Variants in LTBP1 observed in about 807,000 individuals in gnomAD.
The protein encoded by LTBP1 is latent-transforming growth factor beta-binding protein 1.
A neutral mutation model predicts 207.6 loss-of-function variants in LTBP1; 129 were observed. The observed-to-expected ratio is 0.62, with a 90% CI of 0.54 to 0.72. The LOEUF (loss-of-function observed/expected upper bound fraction) is 0.72. Among genes scored for constraint, LTBP1 ranks in the 30% least tolerant of loss-of-function variants. The pLI, the probability that LTBP1 is intolerant of heterozygous loss-of-function variation, is 0.00. For missense variants in LTBP1, 2,281 were observed against 2,217.2 expected, an observed-to-expected ratio of 1.03 and a Z score of -0.58; for synonymous variants, 963 against 833.7, an observed-to-expected ratio of 1.16 and a Z score of -2.67.
At chr2:33,251,615 A>T (rs996333016) in intron 10 of LTBP1, among the ~76,000 whole-genome samples, 9 of 143,156 alleles carry the variant, frequency 6.3e-5, no homozygotes, top group Admixed American at 5.1e-4. Context: ...CAGTGAGCTG[A>T]GATCGCGCCA....
At chr2:33,020,770 C>G in intron 2 of LTBP1, 139 bp from the exon 3 acceptor site, 1 of 771,592 alleles carries the variant, frequency 1.3e-6, no homozygotes, top group Non-Finnish European at 2.0e-6. Context: ...GCCCAACTGC[C>G]CCACCTTCCT....
intron 5 of LTBP1, among the ~76,000 whole-genome samples, chr2:33,171,252 A>G (rs1351603825): frequency 8.2e-6 from 1 of 122,366 alleles, no homozygotes; most frequent in Non-Finnish European, 1.8e-5. Flanking sequence ...AGAAGTTGAA[A>G]ACTTTGAAAA....
At position 32,947,765 on chromosome 2, in the gene LTBP1, C is replaced by T. The variant is rs755448700; in HGVS notation, c.441C>T (p.Thr147=). 2 of 1,519,680 alleles carry T rather than the reference C, an allele frequency of 1.3e-6. No individual in the cohort carries two copies. The highest frequency in any genetic ancestry group is 1.8e-6 in the Non-Finnish European group (2 of 1,132,262). 94.1% of individuals were successfully genotyped at this position (1,519,680 alleles called of 1,614,324 possible). Residue 147 remains threonine (T), a synonymous_variant, in exon 1 of 34, where the codon ACC becomes ACT. Transcript: ENST00000404816. ...TGCGCTCCAAGGTGCCGCAGGAGAC[C>T]CAGAGCGGCGGAGGCTCTAGGCTGC... ...QVVRSKVPQE[T]QSGGGSRLQV...
intron 2 of LTBP1, among the ~76,000 whole-genome samples, chr2:32,995,718 G>A (rs905224532): frequency 1.3e-5 from 2 of 152,212 alleles, no homozygotes; most frequent in African/African-American, 4.8e-5. Context: ...GAATCCAGGA[G>A]GCCAAGCCTG....
intron 32 of LTBP1, 72 bp downstream of exon 32, chr2:33,389,378 A>G (rs2095295913): frequency 9.4e-6 from 15 of 1,589,044 alleles, no homozygotes; most frequent in Non-Finnish European, 1.2e-5. Context: ...TCAAAATGTA[A>G]TGGCAACTTG....
chr2:33,360,836 G>A, intron 27 of LTBP1, 57 bp downstream of exon 27: 1 of 1,518,648 alleles, frequency 6.6e-7, no homozygotes, highest in Non-Finnish European at 9.1e-7. Context: ...GGTGTCCCTG[G>A]GCCTTGAAAT....
At chr2:33,071,784 T>C (rs1256826589) in intron 3 of LTBP1, among the ~76,000 whole-genome samples, 1 of 152,194 alleles carries the variant, frequency 6.6e-6, no homozygotes, top group African/African-American at 2.4e-5. Context: ...GGGATTCTTC[T>C]TTATGTCATT....
At chr2:32,952,672 TC>T (rs370835194) in intron 2 of LTBP1, among the ~76,000 whole-genome samples, 2 of 151,816 alleles carry the variant, frequency 1.3e-5, no homozygotes, top group African/African-American at 4.8e-5. Flanking sequence ...AAACTGAACC[TC>T]CCCCCATGCC....
intron 5 of LTBP1, among the ~76,000 whole-genome samples, chr2:33,139,099 C>G (rs2082420696): frequency 6.6e-6 from 1 of 151,876 alleles, no homozygotes; most frequent in Non-Finnish European, 1.5e-5. Flanking sequence ...ACCTCGTGAT[C>G]CGCCCGCCTC....
At chr2:33,385,331 G>A (rs1175838088) in intron 31 of LTBP1, among the ~76,000 whole-genome samples, 1 of 152,028 alleles carries the variant, frequency 6.6e-6, no homozygotes, top group Non-Finnish European at 1.5e-5. Context: ...ACAATTATTT[G>A]CCTGTTGATC....
rs896562546 is a variant in LTBP1 at position 33,012,717 on chromosome 2, A to G, written c.566-8192A>G. Among the ~76,000 whole-genome samples, 4 of 152,246 alleles carry G rather than the reference A, an allele frequency of 2.6e-5. No homozygotes were observed. The East Asian group carries it at 7.7e-4, about 29-fold the overall frequency. On this transcript the variant is annotated intron_variant, in intron 2 of 33. Transcript: ENST00000404816. The stretch of plus-strand genomic sequence containing the variant: ...GAATAAAGATAACATGGATGGGATT[A>G]AAACAAATTTAAAGATTATTTAGAA...
chr2:33,141,346 C>T (rs1422053359), intron 5 of LTBP1, among the ~76,000 whole-genome samples: 2 of 152,106 alleles, frequency 1.3e-5, no homozygotes, highest in African/African-American at 4.8e-5. Context: ...TGAAAAAGTT[C>T]TGGAGATTTG....
rs70938398 is a variant in LTBP1, at chr2:33,382,074, C to CTTTTTTTTTTTTTTTTT, written c.4712-7088_4712-7072dup. ...TACAGCAGTTAGCGCCCTACTGCTT[C>CTTTTTTTTTTTTTTTTT]TTTTTTTTTTTTTTTTTTTTTTTTT... is the stretch of plus-strand genomic sequence containing the variant. On this transcript the variant is annotated intron_variant, in intron 31 of 33. Coordinates refer to ENST00000404816, the MANE Select transcript of LTBP1 (RefSeq NM_206943.4). Among the ~76,000 whole-genome samples, 5 of 46,784 alleles carry CTTTTTTTTTTTTTTTTT rather than the reference C, an allele frequency of 1.1e-4. 2 individuals carry two copies. Among genetic ancestry groups the CTTTTTTTTTTTTTTTTT allele is most frequent in the Non-Finnish European group, 2.0e-4 (5 of 24,954 alleles). 30.7% of individuals were successfully genotyped at this position (46,784 alleles called of 152,430 possible).
At chr2:33,263,155 T>A (rs1272376236) in intron 14 of LTBP1, 139 bp from the exon 15 acceptor site, 1 of 626,060 alleles carries the variant, frequency 1.6e-6, no homozygotes, top group Non-Finnish European at 2.9e-6. Context: ...ACCCAGAGCC[T>A]TGGGACATAG....
intron 5 of LTBP1, among the ~76,000 whole-genome samples, chr2:33,168,016 A>G (rs1010360320): frequency 1.1e-4 from 17 of 152,196 alleles, no homozygotes; most frequent in African/African-American, 4.1e-4. Context: ...ATCGAAGTTT[A>G]TGATAATATC....
At chr2:33,336,615 A>G (rs759511526) in intron 24 of LTBP1, among the ~76,000 whole-genome samples, 1 of 152,184 alleles carries the variant, frequency 6.6e-6, no homozygotes, top group Non-Finnish European at 1.5e-5. Flanking sequence ...TGAATTATCC[A>G]TTACCAAAAA....
chr2:33,187,060 C>G lies in LTBP1; in HGVS notation c.1406C>G (p.Thr469Ser). 6.2e-7 allele frequency: 1 copy of G among 1,614,168 alleles called. No individual in the cohort carries two copies. Among genetic ancestry groups the G allele is most frequent in the Non-Finnish European group, 8.5e-7 (1 of 1,179,998 alleles). The change falls in exon 6 of 34, where the codon ACT becomes AGT. Residue 469 changes from threonine (T) to serine (S), a missense_variant. This residue lies in a region of LTBP1 where 1,671 missense variants were observed against 1,634.8 expected (regional missense o/e 1.02). Coordinates refer to ENST00000404816, the MANE Select transcript of LTBP1 (RefSeq NM_206943.4). ...HSTHTLPLTV[T>S]SQQGVKVKFP... ...ACACATACCTTGCCTCTGACCGTGA[C>G]TAGCCAGCAAGGAGTCAAAGGTAAG...
At chr2:33,349,598 G>A (rs1168163098) in intron 26 of LTBP1, among the ~76,000 whole-genome samples, 1 of 152,152 alleles carries the variant, frequency 6.6e-6, no homozygotes, top group Non-Finnish European at 1.5e-5. Context: ...AAGGGAGTGA[G>A]AATCTAAAGC....
In LTBP1 at chr2:32,947,055, C is replaced by A; in HGVS notation, c.-270C>A. On this transcript the variant is annotated 5_prime_UTR_variant, in exon 1 of 34. Transcript: ENST00000404816. ...CGGACGCGCGGACCCTCACCTTGCG[C>A]GGCCCGCTCCCCTCGCCCCTCCCCG... 1 of 279,786 alleles carries A rather than the reference C, an allele frequency of 3.6e-6. No homozygotes were observed. Among genetic ancestry groups the A allele is most frequent in the Non-Finnish European group, 6.6e-6 (1 of 150,592 alleles). The allele number at this position is 279,786 out of a possible 1,614,324, so 17.3% of individuals were successfully genotyped here.
Sources: gnomAD v4.1 joint callset for allele counts (sites outside exome capture counted in the v4.1 genomes callset) on GRCh38, gnomAD v4.1.1 for gene constraint, gnomAD v4.1.1 regional missense constraint, MANE v1.5 for transcripts, NCBI Gene and HGNC (gene_info 2026-07-23, HGNC 2026-07-21) for gene names.